MAML3: variants seen among roughly 807,000 people sequenced by gnomAD.
MAML3 encodes the protein mastermind like transcriptional coactivator 3.
MAML3 carries 27 observed loss-of-function variants against 101.9 expected under a neutral mutation model. The observed-to-expected ratio is 0.27, with a 90% CI of 0.20 to 0.37. The LOEUF (loss-of-function observed/expected upper bound fraction) is 0.37, where lower values mean the gene tolerates loss of function less well. MAML3 is among the 10% of genes least tolerant of loss of function. The pLI is 1.00. For missense variants in MAML3, 1,316 were observed against 1,444.9 expected (o/e 0.91, Z 1.45); for synonymous variants, 501 against 555.9 (o/e 0.90, Z 1.39).
chr4:139,859,532 T>C lies in MAML3; in HGVS notation c.2079+29825A>G, dbSNP rs572584314. 2.0e-5 allele frequency among the ~76,000 whole-genome samples: 3 copies of C among 152,272 alleles called. No individual in the cohort carries two copies. The East Asian group carries it at 5.8e-4, about 29-fold the overall frequency. On this transcript the variant is annotated intron_variant, in intron 2 of 4. Transcript: ENST00000509479. Reference sequence around the variant, plus strand: ...AAGTTCTACTATATTTTATGTAGAATACCTTGTATACTTCATATAGTATAC... The same window carrying C: ...AAGTTCTACTATATTTTATGTAGAACACCTTGTATACTTCATATAGTATAC...
At chr4:139,881,508 C>T (rs1462374122) in intron 2 of MAML3, among the ~76,000 whole-genome samples, 8 of 152,082 alleles carry the variant, frequency 5.3e-5, no homozygotes, top group African/African-American at 9.7e-5. Context: ...AGGTTCTAGG[C>T]GAATCACCCT....
chr4:139,784,045 G>A (rs1730262851), intron 2 of MAML3, among the ~76,000 whole-genome samples: 1 of 152,216 alleles, frequency 6.6e-6, no homozygotes, highest in Admixed American at 6.5e-5. Flanking sequence ...AAATGCATAT[G>A]TTTACCTTCC....
At chr4:140,083,126 GA>G (rs1727890541) in intron 1 of MAML3, among the ~76,000 whole-genome samples, 1 of 152,164 alleles carries the variant, frequency 6.6e-6, no homozygotes, top group Admixed American at 6.5e-5. Context: ...CCATTTTATG[GA>G]AAAGAATCGA....
At position 140,107,871 on chromosome 4, in the gene MAML3, G is replaced by A. The variant is rs116311677; in HGVS notation, c.468+44989C>T. On this transcript the variant is annotated intron_variant, in intron 1 of 4. Coordinates refer to ENST00000509479, the MANE Select transcript of MAML3 (RefSeq NM_018717.5). ...GTGATTAAAAAAAAAATGACGGTGG[G>A]GTGAGCAAATACATATGCTGAGAAA... 2.8e-3 allele frequency among the ~76,000 whole-genome samples: 424 copies of A among 150,960 alleles called. 4 individuals are homozygous for A. Among genetic ancestry groups the A allele is most frequent in the African/African-American group, 9.8e-3 (404 of 41,072 alleles).
intron 1 of MAML3, among the ~76,000 whole-genome samples, chr4:140,072,868 G>A (rs1727685136): frequency 6.6e-6 from 1 of 152,140 alleles, no homozygotes; most frequent in Non-Finnish European, 1.5e-5. Context: ...AGGATACGCT[G>A]CATGAAGTTG....
At chr4:140,024,178 G>A (rs1203979028) in intron 1 of MAML3, among the ~76,000 whole-genome samples, 1 of 151,764 alleles carries the variant, frequency 6.6e-6, no homozygotes, top group Non-Finnish European at 1.5e-5. Context: ...AACTTGCCAA[G>A]GTCACATACC....
In MAML3 at chr4:139,807,162, A is replaced by G. The variant is rs565145850; in HGVS notation, c.2080-76495T>C. On this transcript the variant is annotated intron_variant, in intron 2 of 4. Transcript: ENST00000509479. ...CCACTTGTTGGCTCTATGACCCTAA[A>G]TAAGCCATTTATCGTTCTCTAAACT... Among the ~76,000 whole-genome samples, 4 of 152,342 alleles carry G rather than the reference A, an allele frequency of 2.6e-5. No homozygotes were observed. In the South Asian group the frequency reaches 8.3e-4, roughly 32 times the overall value.
intron 1 of MAML3, among the ~76,000 whole-genome samples, chr4:140,100,066 C>G (rs186674856): frequency 2.7e-4 from 41 of 152,076 alleles, no homozygotes; most frequent in African/African-American, 9.6e-4. Flanking sequence ...ACCGCAGCCC[C>G]CACGTTCCAG....
chr4:139,966,284 T>G (rs1464297420), intron 1 of MAML3, among the ~76,000 whole-genome samples: 1 of 152,176 alleles, frequency 6.6e-6, no homozygotes, highest in Non-Finnish European at 1.5e-5. Flanking sequence ...TTTTTTGAAC[T>G]TTTCTTAAAA....
rs1217476614 is a variant in MAML3 at position 139,943,958 on chromosome 4, C to T, written c.469-52991G>A. Among the ~76,000 whole-genome samples the T allele has an allele frequency of 2.0e-5, 3 of 148,564 alleles. No individual in the cohort carries two copies. In the East Asian group the frequency reaches 6.1e-4, roughly 30 times the overall value. ...CAATCTCAGCTCACTGCAACCTCCG[C>T]CTCCCGGGTTCAAGCGATTCTCCTG... On this transcript the variant is annotated intron_variant, in intron 1 of 4. Transcript: ENST00000509479.
chr4:140,041,985 A>AAGG, intron 1 of MAML3, among the ~76,000 whole-genome samples: 1 of 152,350 alleles, frequency 6.6e-6, no homozygotes, highest in South Asian at 2.1e-4. Context: ...CTTACTAGGT[A>AAGG]TAAGGTACCA....
chr4:139,792,846 G>A (rs547258907), intron 2 of MAML3, among the ~76,000 whole-genome samples: 8 of 151,394 alleles, frequency 5.3e-5, no homozygotes, highest in Non-Finnish European at 1.0e-4. Context: ...CCGGGTTCAC[G>A]CCATTCTCCT....
At chr4:139,788,420 G>C (rs1224869185) in intron 2 of MAML3, among the ~76,000 whole-genome samples, 2 of 152,166 alleles carry the variant, frequency 1.3e-5, no homozygotes, top group African/African-American at 4.8e-5. Context: ...TAGATACCAA[G>C]AGAAAGATAT....
At chr4:140,001,310 T>G (rs936508201) in intron 1 of MAML3, among the ~76,000 whole-genome samples, 3 of 152,230 alleles carry the variant, frequency 2.0e-5, no homozygotes, top group African/African-American at 7.2e-5. Context: ...AATTGCTTTC[T>G]TATGGGAGAT....
chr4:139,829,242 G>A (rs1731120271), intron 2 of MAML3, among the ~76,000 whole-genome samples: 1 of 151,232 alleles, frequency 6.6e-6, no homozygotes, highest in African/African-American at 2.4e-5. Context: ...AGGAAAGAAG[G>A]AAGGAAGGAA....
At chr4:140,086,476 T>C (rs865888201) in intron 1 of MAML3, among the ~76,000 whole-genome samples, 2 of 152,100 alleles carry the variant, frequency 1.3e-5, no homozygotes, top group South Asian at 4.1e-4. Flanking sequence ...TCAGTATCAA[T>C]GTGAGAACAG....
intron 1 of MAML3, among the ~76,000 whole-genome samples, chr4:140,117,887 A>C (rs1728541115): frequency 6.6e-6 from 1 of 152,206 alleles, no homozygotes; most frequent in Admixed American, 6.5e-5. Context: ...GTTCAGATTA[A>C]GAAGGAAAGA....
intron 1 of MAML3, among the ~76,000 whole-genome samples, chr4:140,043,121 G>A (rs1198578116): frequency 6.6e-6 from 1 of 152,120 alleles, no homozygotes; most frequent in Non-Finnish European, 1.5e-5. Context: ...ATAGCACTAA[G>A]GACATGACAA....
intron 2 of MAML3, among the ~76,000 whole-genome samples, chr4:139,881,286 G>A (rs548176439): frequency 1.3e-5 from 2 of 152,236 alleles, no homozygotes; most frequent in Admixed American, 6.5e-5. Context: ...AGTGGGTTGA[G>A]GAGCCATATG....
Sources: gnomAD v4.1 joint callset for allele counts (sites outside exome capture counted in the v4.1 genomes callset) on GRCh38, gnomAD v4.1.1 for gene constraint, MANE v1.5 for transcripts, NCBI Gene and HGNC (gene_info 2026-07-23, HGNC 2026-07-21) for gene names.